Variants in TPX2 observed in about 807,000 individuals in gnomAD.
TPX2 encodes the protein targeting protein for Xklp2.
A neutral mutation model predicts 93.6 loss-of-function variants in TPX2; 21 were observed. That is an observed-to-expected ratio of 0.22 (90% CI 0.16 to 0.32). The LOEUF is 0.32. TPX2 is among the 10% of genes least tolerant of loss of function. The probability of loss-of-function intolerance (pLI) is 1.00; values close to 1 mark genes in which losing one functional copy is unlikely to be tolerated. For synonymous variants in TPX2, 281 were observed against 298.3 expected (o/e 0.94, Z 0.60); for missense variants, 776 against 871.1 (o/e 0.89, Z 1.37).
intron 1 of TPX2, among the ~76,000 whole-genome samples, chr20:31,740,474 G>A (rs1684611450): frequency 1.3e-5 from 2 of 152,320 alleles, no homozygotes; most frequent in African/African-American, 4.8e-5. Flanking sequence ...GTTGGTTTGG[G>A]TGAGTCAGTT....
At chr20:31,760,212 T>C (rs778704756) in intron 4 of TPX2, 33 bp downstream of exon 4, 2 of 1,611,752 alleles carry the variant, frequency 1.2e-6, no homozygotes, top group South Asian at 1.1e-5. Flanking sequence ...AGCTCCTTGA[T>C]AGAATGGTGG....
At chr20:31,781,163 G>C (rs2062031112) in intron 10 of TPX2, 2 of 159,754 alleles carry the variant, frequency 1.3e-5, no homozygotes, top group African/African-American at 4.9e-5. Flanking sequence ...GCCTCAAGCA[G>C]TTCTCCTGCT....
intron 4 of TPX2, among the ~76,000 whole-genome samples, chr20:31,764,238 C>T (rs981381812): frequency 2.0e-4 from 31 of 151,964 alleles, no homozygotes; most frequent in Non-Finnish European, 2.6e-4. Context: ...GGAGCAATCA[C>T]GCCTCACTGC....
chr20:31,786,667 G>A (rs571038486), intron 12 of TPX2, among the ~76,000 whole-genome samples: 156 of 152,310 alleles, frequency 1.0e-3, no homozygotes, highest in African/African-American at 3.6e-3. Flanking sequence ...GCCTCCCAAA[G>A]TGCTAGGATA....
chr20:31,768,541 G>A (rs1416449548), intron 5 of TPX2, among the ~76,000 whole-genome samples: 2 of 151,858 alleles, frequency 1.3e-5, no homozygotes, highest in Admixed American at 6.6e-5. Flanking sequence ...CACTGTGCCC[G>A]GCCGGAAAGA....
chr20:31,749,090 C>T (rs904358785), intron 2 of TPX2, among the ~76,000 whole-genome samples: 2 of 151,994 alleles, frequency 1.3e-5, no homozygotes, highest in African/African-American at 2.4e-5. Context: ...GGACTACAGG[C>T]ATCCACCACC....
At chr20:31,774,514 GTC>G (rs1252162010) in intron 7 of TPX2, among the ~76,000 whole-genome samples, 1 of 152,052 alleles carries the variant, frequency 6.6e-6, no homozygotes, top group African/African-American at 2.4e-5. Context: ...ATTACCATGT[GTC>G]AAGCACTTCA....
chr20:31,787,875 T>C (rs1265165091), intron 12 of TPX2, among the ~76,000 whole-genome samples: 1 of 152,194 alleles, frequency 6.6e-6, no homozygotes, highest in Non-Finnish European at 1.5e-5. Flanking sequence ...CAATTTATAT[T>C]GTCAGGGTGA....
intron 2 of TPX2, among the ~76,000 whole-genome samples, chr20:31,743,948 T>G (rs1234555041): frequency 6.6e-6 from 1 of 151,732 alleles, no homozygotes; most frequent in Non-Finnish European, 1.5e-5. Flanking sequence ...CTCGAACTCC[T>G]GACTTCAGGT....
intron 1 of TPX2, among the ~76,000 whole-genome samples, chr20:31,740,795 G>C (rs949133665): frequency 3.9e-5 from 6 of 152,150 alleles, no homozygotes; most frequent in African/African-American, 1.4e-4. Flanking sequence ...AGCCACCCTT[G>C]TCTAATTCTT....
intron 17 of TPX2, 72 bp from the exon 18 acceptor site, chr20:31,800,897 GA>G: frequency 1.5e-6 from 2 of 1,293,144 alleles, no homozygotes; most frequent in Non-Finnish European, 2.2e-6. Flanking sequence ...TTCTCAAAAA[GA>G]AAAAAATAAA....
intron 7 of TPX2, 28 bp from the exon 8 acceptor site, chr20:31,775,839 T>C: frequency 6.6e-7 from 1 of 1,511,370 alleles, no homozygotes; most frequent in Non-Finnish European, 8.9e-7. Context: ...TCCTCTCCTC[T>C]CTTCTCATTT....
At chr20:31,786,409 T>TTTTTTGTTTCTTG (rs371477945) in intron 12 of TPX2, among the ~76,000 whole-genome samples, 1 of 146,930 alleles carries the variant, frequency 6.8e-6, no homozygotes, top group African/African-American at 2.6e-5. Flanking sequence ...TGTTTTTTTT[T>TTTTTTGTTTCTTG]TTTTTTGAGA....
Position 31,801,631 on chromosome 20 carries a change from G to A in TPX2, c.*551G>A, listed in dbSNP as rs2062172567. ...AAACCTCACCAACTGCACCAGTGAG[G>A]AAGAAGACTGCGTGGATTCATGGGG... On this transcript the variant is annotated 3_prime_UTR_variant, in exon 18 of 18. Coordinates refer to ENST00000300403, the MANE Select transcript of TPX2 (RefSeq NM_012112.5). 1 of 152,374 alleles carries A rather than the reference G, an allele frequency of 6.6e-6. No homozygotes were observed. Among genetic ancestry groups the A allele is most frequent in the Non-Finnish European group, 1.5e-5 (1 of 68,190 alleles). 9.4% of individuals were successfully genotyped at this position (152,374 alleles called of 1,614,324 possible). A position where few individuals can be genotyped will look rare whatever the true frequency, so the allele number is the denominator to read the frequency against.
intron 3 of TPX2, among the ~76,000 whole-genome samples, chr20:31,758,119 ATTTTT>A (rs35354345): frequency 7.8e-5 from 9 of 115,266 alleles, no homozygotes; most frequent in Non-Finnish European, 8.9e-5. Context: ...CCCTCAATTC[ATTTTT>A]TTTTTTTTTT....
chr20:31,751,036 T>C (rs528183295), intron 2 of TPX2, among the ~76,000 whole-genome samples: 19 of 152,230 alleles, frequency 1.2e-4, no homozygotes, highest in Admixed American at 7.8e-4. Context: ...GCCTCCTGAT[T>C]AGCTGGGACT....
chr20:31,770,131 C>A (rs192790727), intron 5 of TPX2, among the ~76,000 whole-genome samples: 2 of 152,056 alleles, frequency 1.3e-5, no homozygotes, highest in African/African-American at 4.8e-5. Context: ...TTATTGAGGT[C>A]ACATTTATAG....
chr20:31,782,144 C>A, intron 10 of TPX2, 105 bp from the exon 11 acceptor site: 1 of 1,440,596 alleles, frequency 6.9e-7, no homozygotes, highest in Non-Finnish European at 9.3e-7. Flanking sequence ...GGGCCCACCA[C>A]TCTGTGGTTG....
intron 12 of TPX2, among the ~76,000 whole-genome samples, chr20:31,792,112 G>T (rs542931901): frequency 6.6e-6 from 1 of 152,180 alleles, no homozygotes; most frequent in Non-Finnish European, 1.5e-5. Context: ...TATAAGGCTG[G>T]GTACAGTGGT....
Sources: gnomAD v4.1 joint callset for allele counts (sites outside exome capture counted in the v4.1 genomes callset) on GRCh38, gnomAD v4.1.1 for gene constraint, MANE v1.5 for transcripts, NCBI Gene and HGNC (gene_info 2026-07-23, HGNC 2026-07-21) for gene names.